PRSS55: variants seen among roughly 807,000 people sequenced by gnomAD.
PRSS55 encodes probable serine protease UNQ9391/PRO34284.
PRSS55 carries 41 observed loss-of-function variants against 23.6 expected under a neutral mutation model. That is an observed-to-expected ratio of 1.74 (90% CI 1.35 to 2.26). The LOEUF (loss-of-function observed/expected upper bound fraction) is 2.26. PRSS55 is among the 30% of genes most tolerant of loss of function. The probability of loss-of-function intolerance (pLI) is 0.00; values close to 1 mark genes in which losing one functional copy is unlikely to be tolerated. For synonymous variants in PRSS55, 262 were observed against 175.5 expected (o/e 1.49, Z -3.90); for missense variants, 669 against 439.1 (o/e 1.52, Z -4.68).
In PRSS55 at chr8:10,532,926, A is replaced by C. The variant is rs930526790; in HGVS notation, c.619A>C (p.Thr207Pro). ...TNAADKNSVK[T>P]DLMKAPMVIM... ...GCCAGCTGACAAAAACTCTGTGAAA[A>C]CGGATCTGATGAAAGCGCCAATGGT... The change falls in exon 4 of 5, where the codon ACG (threonine) becomes CCG (proline). Residue 207 changes from threonine (T) to proline (P), a missense_variant. Transcript: ENST00000328655. 6.2e-7 allele frequency: 1 copy of C among 1,614,152 alleles called. No homozygotes were observed. The highest frequency in any genetic ancestry group is 1.3e-5 in the African/African-American group (1 of 75,028).
Position 10,548,952 on chromosome 8 carries a change from C to T in PRSS55, c.742-4991C>T, listed in dbSNP as rs56074164. Among the ~76,000 whole-genome samples, 1,202 of 152,322 alleles carry T rather than the reference C, an allele frequency of 7.9e-3. 15 individuals carry two copies. Among genetic ancestry groups the T allele is most frequent in the African/African-American group, 0.025 (1,057 of 41,560 alleles). On this transcript the variant is annotated intron_variant, in intron 4 of 4. Coordinates refer to the PRSS55 transcript ENST00000522210. The stretch of plus-strand genomic sequence containing the variant: ...ACTGAGGCTGGGGTTGGATCAAGCC[C>T]ACTGTGTGTCTTATCGGAACGCAGC...
chr8:10,553,869 T>G (rs769221053), intron 4 of PRSS55: 6 of 1,011,692 alleles, frequency 5.9e-6, no homozygotes, highest in Non-Finnish European at 8.6e-6. Context: ...AATGTATACA[T>G]AAATCAAAGC....
At chr8:10,552,008 G>C (rs11250029) in intron 4 of PRSS55, among the ~76,000 whole-genome samples, 3 of 152,112 alleles carry the variant, frequency 2.0e-5, no homozygotes, top group Non-Finnish European at 4.4e-5. Flanking sequence ...GGAGATGCAC[G>C]GCAGAACGTG....
At chr8:10,542,313 G>C (rs1226490427), downstream of PRSS55, among the ~76,000 whole-genome samples, 2 of 151,462 alleles carry the variant, frequency 1.3e-5, no homozygotes, top group East Asian at 3.9e-4. Flanking sequence ...AAACAACAAT[G>C]TCTGTTGGAC....
At chr8:10,549,257 C>T (rs965403311) in intron 4 of PRSS55, among the ~76,000 whole-genome samples, 12 of 152,272 alleles carry the variant, frequency 7.9e-5, no homozygotes, top group Middle Eastern at 3.4e-3. Flanking sequence ...GCCATGGCCG[C>T]GGAGAGCCAC....
intron 4 of PRSS55, among the ~76,000 whole-genome samples, chr8:10,546,453 T>A (rs1812820081): frequency 6.6e-6 from 1 of 152,066 alleles, no homozygotes; most frequent in Admixed American, 6.5e-5. Flanking sequence ...TTCACATCAA[T>A]CCCAGCAGCT....
At chr8:10,534,416 C>T (rs1585876541) in intron 4 of PRSS55, among the ~76,000 whole-genome samples, 1 of 152,304 alleles carries the variant, frequency 6.6e-6, no homozygotes, top group East Asian at 1.9e-4. Context: ...ACTCTAGTCA[C>T]CTCTCAAGGA....
intron 4 of PRSS55, among the ~76,000 whole-genome samples, chr8:10,551,436 G>T (rs1339977312): frequency 6.6e-6 from 1 of 152,234 alleles, no homozygotes; most frequent in Admixed American, 6.5e-5. Flanking sequence ...GTCTTAGGGA[G>T]CTCGACCTCT....
At chr8:10,537,485 TAAG>T (rs1812496981) in intron 4 of PRSS55, among the ~76,000 whole-genome samples, 1 of 152,122 alleles carries the variant, frequency 6.6e-6, no homozygotes, top group Non-Finnish European at 1.5e-5. Flanking sequence ...GGACTCCAGT[TAAG>T]GAGCACGAAA....
intron 4 of PRSS55, among the ~76,000 whole-genome samples, chr8:10,544,387 T>G (rs542148815): frequency 6.6e-6 from 1 of 150,730 alleles, no homozygotes; most frequent in South Asian, 2.1e-4. Flanking sequence ...TTCTTTTTAT[T>G]TTTAACCTAC....
In PRSS55 at chr8:10,535,578, A is replaced by C. The variant is rs758010830; in HGVS notation, c.741+2530A>C. ...CAACTGAAATCAATGCGAGTTGGAT[A>C]AAAGACTTAAATATAAAACCCAAAA... On this transcript the variant is annotated intron_variant, in intron 4 of 4. Transcript: ENST00000328655. Among the ~76,000 whole-genome samples, 50 of 152,362 alleles carry C rather than the reference A, an allele frequency of 3.3e-4. No individual in the cohort carries two copies. The Middle Eastern group carries it at 0.024, about 73-fold the overall frequency.
downstream of PRSS55, among the ~76,000 whole-genome samples, chr8:10,539,981 C>G (rs1182701689): frequency 6.6e-6 from 1 of 152,196 alleles, no homozygotes; most frequent in African/African-American, 2.4e-5. Context: ...CACCAGTTCT[C>G]CCTTCTGGCT....
At chr8:10,533,753 C>G (rs1812355021) in intron 4 of PRSS55, among the ~76,000 whole-genome samples, 2 of 152,172 alleles carry the variant, frequency 1.3e-5, no homozygotes, top group Non-Finnish European at 2.9e-5. Context: ...GACTAGGGAC[C>G]TGCTCATTGG....
Position 10,531,385 on chromosome 8 carries a change from A to C in PRSS55, c.438A>C (p.Lys146Asn). ...IKEVASIILH[K>N]DFKRANMDND... ...AGGTCGCCAGCATCATTCTTCACAAAGACTTTAAGAGAGCCAACATGGACA... is the reference window on the plus strand; with the variant it reads ...AGGTCGCCAGCATCATTCTTCACAACGACTTTAAGAGAGCCAACATGGACA... Residue 146 changes from lysine to asparagine, a missense_variant, in exon 3 of 5, where the codon AAA becomes AAC. Physicochemically the swap from Lys to Asn is moderately conservative, Grantham distance 94 (BLOSUM62 0). Transcript: ENST00000328655. The C allele has an allele frequency of 6.2e-7, 1 of 1,614,204 alleles. No homozygotes were observed.
downstream of PRSS55, among the ~76,000 whole-genome samples, chr8:10,543,640 T>C (rs1812733778): frequency 6.6e-6 from 1 of 151,832 alleles, no homozygotes; most frequent in Non-Finnish European, 1.5e-5. Flanking sequence ...GAGATGAACA[T>C]CTTTTAGTTT....
chr8:10,545,787 T>C (rs947275240), intron 4 of PRSS55, among the ~76,000 whole-genome samples: 103 of 152,368 alleles, frequency 6.8e-4, no homozygotes, highest in African/African-American at 2.4e-3. Context: ...CTCAGCGTCC[T>C]AGCCCAGAAT....
intron 1 of PRSS55, among the ~76,000 whole-genome samples, chr8:10,526,866 T>C (rs529702438): frequency 6.6e-6 from 1 of 152,022 alleles, no homozygotes; most frequent in Non-Finnish European, 1.5e-5. Context: ...GAAAGGGGGG[T>C]GGGTACCCAA....
intron 4 of PRSS55, among the ~76,000 whole-genome samples, chr8:10,537,961 T>C (rs1028721993): frequency 3.9e-5 from 6 of 152,144 alleles, no homozygotes; most frequent in Non-Finnish European, 8.8e-5. Flanking sequence ...TCACAGACCA[T>C]GTGATTCCAT....
At chr8:10,545,857 A>G (rs573160461) in intron 4 of PRSS55, among the ~76,000 whole-genome samples, 1 of 152,318 alleles carries the variant, frequency 6.6e-6, no homozygotes, top group African/African-American at 2.4e-5. Context: ...TGAGTTCTGC[A>G]TTTTTACATC....
Sources: gnomAD v4.1 joint callset for allele counts (sites outside exome capture counted in the v4.1 genomes callset) on GRCh38, gnomAD v4.1.1 for gene constraint, MANE v1.5 for transcripts, NCBI Gene and HGNC (gene_info 2026-07-23, HGNC 2026-07-21) for gene names.